The following BICD1 variants were observed in gnomAD, a reference collection of about 807,000 sequenced individuals.
BICD1 encodes the protein BICD cargo adaptor 1.
Under a neutral mutation model 92.5 loss-of-function variants are expected in BICD1, and 35 were observed. That is an observed-to-expected ratio of 0.38 (90% CI 0.29 to 0.50). The LOEUF (loss-of-function observed/expected upper bound fraction) is 0.50, where lower values mean the gene tolerates loss of function less well. Among genes scored for constraint, BICD1 ranks in the 20% least tolerant of loss-of-function variants. The pLI, the probability that BICD1 is intolerant of heterozygous loss-of-function variation, is 0.93. For missense variants in BICD1, 950 were observed against 1,189.8 expected (o/e 0.80, Z 2.97); for synonymous variants, 429 against 465.1 (o/e 0.92, Z 1.00).
chr12:32,296,577 G>A (rs1351616304), intron 3 of BICD1, among the ~76,000 whole-genome samples: 1 of 151,922 alleles, frequency 6.6e-6, no homozygotes, highest in Non-Finnish European at 1.5e-5. Flanking sequence ...ATTTTCTTGT[G>A]GTCCTTTTTT....
intron 8 of BICD1, chr12:32,339,371 A>T: frequency 1.0e-6 from 1 of 991,366 alleles, no homozygotes; most frequent in Non-Finnish European, 1.2e-6. Context: ...GGAGAGCCAT[A>T]TGTATAACAA....
intron 2 of BICD1, among the ~76,000 whole-genome samples, chr12:32,222,355 G>A (rs1170969163): frequency 2.6e-5 from 4 of 152,194 alleles, no homozygotes; most frequent in South Asian, 4.2e-4. Flanking sequence ...AATACCTTAC[G>A]TGCCTTAACT....
intron 4 of BICD1, among the ~76,000 whole-genome samples, 182 bp downstream of exon 4, chr12:32,306,304 T>C (rs1948214447): frequency 6.6e-6 from 1 of 152,056 alleles, no homozygotes; most frequent in Non-Finnish European, 1.5e-5. Flanking sequence ...AGTACAGTGG[T>C]GCAATTTCGG....
At chr12:32,276,113 A>G (rs1041671899) in intron 2 of BICD1, among the ~76,000 whole-genome samples, 3 of 152,116 alleles carry the variant, frequency 2.0e-5, no homozygotes, top group Admixed American at 6.5e-5. Flanking sequence ...TGAAACTGTA[A>G]AACTACAAAT....
chr12:32,184,683 G>T (rs570829895), intron 1 of BICD1, among the ~76,000 whole-genome samples: 2 of 152,344 alleles, frequency 1.3e-5, no homozygotes, highest in Admixed American at 1.3e-4. Context: ...AGTGAGGATG[G>T]TAGGAATCCT....
chr12:32,284,038 C>T (rs1947490845), intron 2 of BICD1, among the ~76,000 whole-genome samples: 1 of 152,254 alleles, frequency 6.6e-6, no homozygotes, highest in African/African-American at 2.4e-5. Flanking sequence ...TCCTTAACTA[C>T]TGAAGATCAG....
intron 1 of BICD1, among the ~76,000 whole-genome samples, chr12:32,168,468 A>G (rs1592407161): frequency 1.3e-5 from 2 of 152,194 alleles, no homozygotes; most frequent in Middle Eastern, 6.8e-3. Context: ...TTCATGGGAA[A>G]AGGATGGGAG....
intron 8 of BICD1, among the ~76,000 whole-genome samples, chr12:32,348,516 G>C (rs1470599350): frequency 6.6e-6 from 1 of 151,778 alleles, no homozygotes; most frequent in Non-Finnish European, 1.5e-5. Context: ...TTAAGAGCAA[G>C]AGTAATTAGT....
chr12:32,276,836 A>G lies in BICD1; in HGVS notation c.427-17158A>G, dbSNP rs2136159152. 2.0e-5 allele frequency among the ~76,000 whole-genome samples: 3 copies of G among 152,320 alleles called. No homozygotes were observed. In the East Asian group the frequency reaches 5.8e-4, roughly 29 times the overall value. Reference sequence around the variant, plus strand: ...GCTTTTATTTTAGATATGGGGGTACATATGTAGGATTGTTACATGGGTATA... The same window carrying G: ...GCTTTTATTTTAGATATGGGGGTACGTATGTAGGATTGTTACATGGGTATA... On this transcript the variant is annotated intron_variant, in intron 2 of 9. Coordinates refer to ENST00000652176, the MANE Select transcript of BICD1 (RefSeq NM_001714.4).
chr12:32,299,002 C>A (rs1301566227), intron 3 of BICD1, among the ~76,000 whole-genome samples: 1 of 151,604 alleles, frequency 6.6e-6, no homozygotes, highest in Non-Finnish European at 1.5e-5. Flanking sequence ...TTTTTAGAGA[C>A]AAAAGATACA....
intron 1 of BICD1, among the ~76,000 whole-genome samples, chr12:32,127,128 A>G (rs1175150947): frequency 6.6e-6 from 1 of 152,170 alleles, no homozygotes; most frequent in Admixed American, 6.5e-5. Context: ...TTTCTGTGGT[A>G]TCCTTTGAAG....
At position 32,376,880 on chromosome 12, in the gene BICD1, G is replaced by C. The variant is rs1041162139; in HGVS notation, c.2841-660G>C. On this transcript the variant is annotated intron_variant, in intron 9 of 9. Coordinates refer to ENST00000652176, the MANE Select transcript of BICD1 (RefSeq NM_001714.4). ...GAGACTCCATCTAAAAAAAAAAGGGGGGGGGGGGTGAAATATAAAACTCTT... is the reference window on the plus strand; with the variant it reads ...GAGACTCCATCTAAAAAAAAAAGGGCGGGGGGGGTGAAATATAAAACTCTT... Among the ~76,000 whole-genome samples the C allele has an allele frequency of 3.7e-5, 5 of 135,790 alleles. No homozygotes were observed. In the East Asian group the frequency reaches 6.9e-4, roughly 19 times the overall value. The allele number at this position is 135,790 out of a possible 152,430, so 89.1% of individuals were successfully genotyped here.
At chr12:32,315,427 C>T (rs1314682404) in intron 4 of BICD1, among the ~76,000 whole-genome samples, 2 of 152,152 alleles carry the variant, frequency 1.3e-5, no homozygotes, top group African/African-American at 4.8e-5. Flanking sequence ...GAAGTTTCTT[C>T]AGGACTGTTT....
In BICD1 at chr12:32,152,120, C is replaced by A. The variant is rs997508049; in HGVS notation, c.213+44576C>A. On this transcript the variant is annotated intron_variant, in intron 1 of 9. Transcript: ENST00000652176. ...TACAGGCACACGCTACCATGCCTGGCCAATTTTTGTATTTTTAGTAGAGAT... is the reference window on the plus strand; with the variant it reads ...TACAGGCACACGCTACCATGCCTGGACAATTTTTGTATTTTTAGTAGAGAT... 2.6e-5 allele frequency among the ~76,000 whole-genome samples: 4 copies of A among 152,082 alleles called. No homozygotes were observed. The East Asian group carries it at 7.7e-4, about 29-fold the overall frequency.
intron 1 of BICD1, among the ~76,000 whole-genome samples, chr12:32,166,281 G>A (rs1460785935): frequency 5.3e-5 from 8 of 151,696 alleles, no homozygotes; most frequent in African/African-American, 1.2e-4. Flanking sequence ...GATTACAGGC[G>A]TCTGCCACCA....
At chr12:32,154,990 A>C (rs1192056604) in intron 1 of BICD1, among the ~76,000 whole-genome samples, 3 of 151,974 alleles carry the variant, frequency 2.0e-5, no homozygotes, top group Non-Finnish European at 4.4e-5. Context: ...AAAAATAAGC[A>C]TCTGTGAAGT....
chr12:32,147,766 A>G (rs911526875), intron 1 of BICD1, among the ~76,000 whole-genome samples: 26 of 152,212 alleles, frequency 1.7e-4, no homozygotes, highest in African/African-American at 5.5e-4. Context: ...AGAGTAGAGA[A>G]GGAAACTCAA....
At chr12:32,108,937 T>C (rs2121117137) in intron 1 of BICD1, 1 of 393,436 alleles carries the variant, frequency 2.5e-6, no homozygotes, top group East Asian at 4.0e-5. Flanking sequence ...AATGCAGTGA[T>C]GCTAAACCTT....
At chr12:32,289,042 GA>G (rs1225842142) in intron 2 of BICD1, among the ~76,000 whole-genome samples, 1 of 152,178 alleles carries the variant, frequency 6.6e-6, no homozygotes, top group Non-Finnish European at 1.5e-5. Context: ...GTTCTGGAAA[GA>G]GGAGTATAGA....
Sources: gnomAD v4.1 joint callset for allele counts (sites outside exome capture counted in the v4.1 genomes callset) on GRCh38, gnomAD v4.1.1 for gene constraint, MANE v1.5 for transcripts, NCBI Gene and HGNC (gene_info 2026-07-23, HGNC 2026-07-21) for gene names.